The following EFCAB6 variants were observed in gnomAD, a reference collection of about 807,000 sequenced individuals.
EFCAB6 encodes the protein EF-hand calcium-binding domain-containing protein 6.
EFCAB6 carries 156 observed loss-of-function variants against 169.8 expected under a neutral mutation model. That is an observed-to-expected ratio of 0.92 (90% CI 0.81 to 1.05). The LOEUF (loss-of-function observed/expected upper bound fraction) is 1.05. EFCAB6 is among the 50% of genes least tolerant of loss of function. The probability of loss-of-function intolerance (pLI) is 0.00; values close to 1 mark genes in which losing one functional copy is unlikely to be tolerated. For synonymous variants in EFCAB6, 698 were observed against 676.4 expected, an observed-to-expected ratio of 1.03 and a Z score of -0.50; for missense variants, 1,800 against 1,829.1, an observed-to-expected ratio of 0.98 and a Z score of 0.29.
At position 43,735,842 on chromosome 22, in the gene EFCAB6, C is replaced by T. The variant is rs1162017237; in HGVS notation, c.644+15G>A. ...TTCTACTGAGCAATCTCTCACCGTGCCTTCATTTGCTTACTTTTCGTATTC... is the reference window on the plus strand; with the variant it reads ...TTCTACTGAGCAATCTCTCACCGTGTCTTCATTTGCTTACTTTTCGTATTC... On this transcript the variant is annotated intron_variant, in intron 7 of 31. Transcript: ENST00000262726. 6.2e-7 allele frequency: 1 copy of T among 1,611,454 alleles called. No individual in the cohort carries two copies. The highest frequency in any genetic ancestry group is 1.7e-5 in the Admixed American group (1 of 59,358).
At chr22:43,581,883 G>A (rs963372970) in intron 24 of EFCAB6, among the ~76,000 whole-genome samples, 4 of 152,112 alleles carry the variant, frequency 2.6e-5, no homozygotes, top group Admixed American at 2.6e-4. Context: ...TTGCCAACGT[G>A]GTATTAAAAT....
At chr22:43,710,123 G>T (rs2059109019) in intron 10 of EFCAB6, among the ~76,000 whole-genome samples, 1 of 152,196 alleles carries the variant, frequency 6.6e-6, no homozygotes, top group South Asian at 2.1e-4. Context: ...TACCTGGACA[G>T]AAAACCAGGT....
chr22:43,598,712 G>A (rs572374672), intron 23 of EFCAB6, among the ~76,000 whole-genome samples: 1 of 152,232 alleles, frequency 6.6e-6, no homozygotes, highest in Non-Finnish European at 1.5e-5. Context: ...ACCCTGAAGT[G>A]ATTATTACAC....
At position 43,707,995 on chromosome 22, in the gene EFCAB6, C is replaced by T. The variant is rs118061829; in HGVS notation, c.1031+3480G>A. Among the ~76,000 whole-genome samples, 1,945 of 142,768 alleles carry T rather than the reference C, an allele frequency of 0.014. 89 individuals are homozygous for T. In the East Asian group the frequency reaches 0.14, roughly 10 times the overall value. 93.7% of individuals were successfully genotyped at this position (142,768 alleles called of 152,430 possible). ...TTTTAGACTTTATAAGTTTAGAACA[C>T]GTGAAAATTTTAAGGAAAACCACTA... On this transcript the variant is annotated intron_variant, in intron 10 of 31. Coordinates refer to ENST00000262726, the MANE Select transcript of EFCAB6 (RefSeq NM_022785.4).
At chr22:43,540,501 A>C (rs2047645406) in intron 27 of EFCAB6, 144 bp from the exon 28 acceptor site, 1,195 of 1,499,126 alleles carry the variant, frequency 8.0e-4, no homozygotes, top group East Asian at 3.1e-3. Flanking sequence ...AAAAAAATAA[A>C]ACGCCCATTT....
rs550589277 is a variant in EFCAB6, at chr22:43,546,327, C to T, written c.3649-5970G>A. ...TAATGAACCTGAAGATAGAGTACAA[C>T]AGTCCTTGTCAAACCTAAGCACATC... On this transcript the variant is annotated intron_variant, in intron 27 of 31. Coordinates refer to ENST00000262726, the MANE Select transcript of EFCAB6 (RefSeq NM_022785.4). Among the ~76,000 whole-genome samples the T allele has an allele frequency of 5.9e-5, 9 of 152,286 alleles. No homozygotes were observed. In the East Asian group the frequency reaches 1.5e-3, roughly 26 times the overall value.
At chr22:43,638,079 C>CGGT (rs1186629799) in intron 17 of EFCAB6, among the ~76,000 whole-genome samples, 1 of 152,108 alleles carries the variant, frequency 6.6e-6, no homozygotes, top group African/African-American at 2.4e-5. Flanking sequence ...CACGGAGCAC[C>CGGT]GGAGCACCGC....
intron 17 of EFCAB6, among the ~76,000 whole-genome samples, chr22:43,653,911 A>C (rs959736685): frequency 2.0e-5 from 3 of 152,130 alleles, no homozygotes; most frequent in Non-Finnish European, 4.4e-5. Context: ...AAAGTAGGTA[A>C]AGTAAGTAGG....
chr22:43,768,475 T>C (rs1274183623), intron 4 of EFCAB6, among the ~76,000 whole-genome samples: 1 of 152,238 alleles, frequency 6.6e-6, no homozygotes, highest in African/African-American at 2.4e-5. Context: ...GGATTCATCA[T>C]AGAACCATCT....
chr22:43,739,026 T>C (rs939625782), intron 6 of EFCAB6, among the ~76,000 whole-genome samples: 1 of 152,164 alleles, frequency 6.6e-6, no homozygotes, highest in Non-Finnish European at 1.5e-5. Flanking sequence ...CCCATGAAGA[T>C]GAGCTGTCTC....
intron 15 of EFCAB6, among the ~76,000 whole-genome samples, chr22:43,670,189 G>A (rs1329583070): frequency 6.6e-6 from 1 of 152,110 alleles, no homozygotes; most frequent in East Asian, 1.9e-4. Flanking sequence ...AGTTTTCCCT[G>A]AGCCTATATG....
At chr22:43,781,760 T>C (rs1020924829) in intron 3 of EFCAB6, among the ~76,000 whole-genome samples, 2 of 152,208 alleles carry the variant, frequency 1.3e-5, no homozygotes, top group Admixed American at 6.5e-5. Flanking sequence ...GTAACAAATG[T>C]ACCACAGTAA....
rs555770558 is a variant in EFCAB6, at chr22:43,555,219, C to T, written c.3421-123G>A. The T allele has an allele frequency of 1.0e-5, 10 of 984,478 alleles. No homozygotes were observed. In the African/African-American group the frequency reaches 1.4e-4, roughly 14 times the overall value. The allele number at this position is 984,478 out of a possible 1,614,324, so 61.0% of individuals were successfully genotyped here. ...GTGGTGGGGAGGAGAGGCCAGAAGA[C>T]AGCTACAGCCTGGAGGTGGGTTCAG... On this transcript the variant is annotated intron_variant, in intron 26 of 31. Transcript: ENST00000262726.
At chr22:43,774,980 G>T (rs2061592287) in intron 3 of EFCAB6, among the ~76,000 whole-genome samples, 1 of 152,124 alleles carries the variant, frequency 6.6e-6, no homozygotes, top group Non-Finnish European at 1.5e-5. Flanking sequence ...AACCAAAAGG[G>T]AAGGAGAGTG....
intron 21 of EFCAB6, among the ~76,000 whole-genome samples, chr22:43,612,591 T>A (rs1339554726): frequency 6.6e-6 from 1 of 152,150 alleles, no homozygotes; most frequent in Non-Finnish European, 1.5e-5. Flanking sequence ...CCAGTCAGAA[T>A]GGCTATCACT....
At chr22:43,543,039 G>T (rs962463510) in intron 27 of EFCAB6, among the ~76,000 whole-genome samples, 8 of 152,126 alleles carry the variant, frequency 5.3e-5, no homozygotes, top group South Asian at 4.1e-4. Flanking sequence ...GCAACAGAGG[G>T]CTACTTGCCA....
intron 6 of EFCAB6, among the ~76,000 whole-genome samples, chr22:43,754,550 C>T: frequency 6.6e-6 from 1 of 152,204 alleles, no homozygotes; most frequent in Admixed American, 6.5e-5. Flanking sequence ...TGAAAACTGC[C>T]TGGGTTTCAA....
chr22:43,748,283 G>A (rs1468460150), intron 6 of EFCAB6, among the ~76,000 whole-genome samples: 1 of 152,146 alleles, frequency 6.6e-6, no homozygotes, highest in East Asian at 1.9e-4. Flanking sequence ...TTAAAACCTG[G>A]CCTTCAAATG....
At chr22:43,774,689 G>A (rs1207003274) in intron 3 of EFCAB6, among the ~76,000 whole-genome samples, 1 of 151,734 alleles carries the variant, frequency 6.6e-6, no homozygotes, top group Non-Finnish European at 1.5e-5. Context: ...CAGGATGGAA[G>A]GTGACAGGAA....
Sources: gnomAD v4.1 joint callset for allele counts (sites outside exome capture counted in the v4.1 genomes callset) on GRCh38, gnomAD v4.1.1 for gene constraint, MANE v1.5 for transcripts, NCBI Gene and HGNC (gene_info 2026-07-23, HGNC 2026-07-21) for gene names.